ELAVL2: variants seen among roughly 807,000 people sequenced by gnomAD.
ELAVL2 encodes the protein ELAV like RNA binding protein 2, also known as ELAV-like protein 2.
ELAVL2 carries 4 observed loss-of-function variants against 34.6 expected under a neutral mutation model. That is an observed-to-expected ratio of 0.12 (90% CI 0.06 to 0.26). The LOEUF (loss-of-function observed/expected upper bound fraction) is 0.26. ELAVL2 is among the 10% of genes least tolerant of loss of function. The pLI is 1.00. For synonymous variants in ELAVL2, 193 were observed against 154.8 expected (o/e 1.25, Z -1.83); for missense variants, 432 against 442.8 (o/e 0.98, Z 0.22).
intron 5 of ELAVL2, among the ~76,000 whole-genome samples, chr9:23,695,228 A>G (rs138689118): frequency 1.6e-3 from 237 of 152,346 alleles, no homozygotes; most frequent in Non-Finnish European, 2.6e-3. Flanking sequence ...TGCTGGAATG[A>G]TCAACACAGA....
intron 5 of ELAVL2, among the ~76,000 whole-genome samples, chr9:23,699,031 C>T (rs929188611): frequency 7.2e-5 from 11 of 152,212 alleles, no homozygotes; most frequent in African/African-American, 2.7e-4. Flanking sequence ...TTACAACTGA[C>T]AATCTCTTAT....
chr9:23,820,556 T>C (rs1001235794), intron 1 of ELAVL2, among the ~76,000 whole-genome samples: 37 of 152,248 alleles, frequency 2.4e-4, no homozygotes, highest in Non-Finnish European at 5.0e-4. Context: ...TACAACTGCA[T>C]GCTCATAGCT....
At chr9:23,800,930 T>A (rs549814697) in intron 1 of ELAVL2, among the ~76,000 whole-genome samples, 84 of 152,276 alleles carry the variant, frequency 5.5e-4, no homozygotes, top group African/African-American at 1.9e-3. Flanking sequence ...TCCTTCCTGC[T>A]TGTTGGAAAG....
chr9:23,829,057 C>T (rs909590673), upstream of ELAVL2, among the ~76,000 whole-genome samples: 4 of 152,190 alleles, frequency 2.6e-5, no homozygotes, highest in African/African-American at 9.7e-5. Flanking sequence ...TTATCCACAA[C>T]ATCTGAATTT....
chr9:23,830,114 C>T (rs750905163), upstream of ELAVL2: 5 of 152,132 alleles, frequency 3.3e-5, no homozygotes, highest in Non-Finnish European at 7.3e-5. Context: ...TCCAGGTAGT[C>T]TTCGAAAAGT....
At chr9:23,779,778 G>A (rs2058784282) in intron 1 of ELAVL2, among the ~76,000 whole-genome samples, 1 of 151,706 alleles carries the variant, frequency 6.6e-6, no homozygotes, top group Admixed American at 6.6e-5. Context: ...GCAGAGACCA[G>A]GAGAAACTAT....
the ELAVL2 span, among the ~76,000 whole-genome samples, chr9:23,840,052 C>T: frequency 4.7e-4 from 71 of 152,274 alleles, no homozygotes; most frequent in African/African-American, 1.7e-3. Context: ...AAAGTATTCA[C>T]GCAGACCTGA....
the ELAVL2 span, among the ~76,000 whole-genome samples, chr9:23,846,952 C>T: frequency 1.3e-5 from 2 of 152,024 alleles, no homozygotes; most frequent in African/African-American, 2.4e-5. Flanking sequence ...TTCACATCCT[C>T]ACTTTATGGT....
chr9:23,808,048 C>T (rs182383575), intron 1 of ELAVL2, among the ~76,000 whole-genome samples: 73 of 152,228 alleles, frequency 4.8e-4, no homozygotes, highest in African/African-American at 1.6e-3. Context: ...CAGGAATCAG[C>T]TCTAGGACTC....
intron 1 of ELAVL2, among the ~76,000 whole-genome samples, chr9:23,785,573 A>G (rs1471540057): frequency 3.3e-5 from 5 of 152,212 alleles, no homozygotes; most frequent in Non-Finnish European, 7.3e-5. Context: ...AAGGGAGGAA[A>G]CAATCCCCTT....
chr9:23,701,462 G>C lies in ELAVL2; in HGVS notation c.630C>G (p.Thr210=), dbSNP rs770537526. Residue 210 remains threonine (T), a synonymous_variant, in exon 5 of 7, where the codon ACC becomes ACG. Transcript: ENST00000397312. ...VKFANNPSQK[T]NQAILSQLYQ... ...ACAGCTGGGAAAGGATGGCCTGATT[G>C]GTTTTTTGGCTTGGGTTATTAGCAA... 27 of 1,613,956 alleles carry C rather than the reference G, an allele frequency of 1.7e-5. No individual in the cohort carries two copies. The South Asian group carries it at 3.0e-4, about 18-fold the overall frequency.
At chr9:23,809,844 G>C (rs973577054) in intron 1 of ELAVL2, among the ~76,000 whole-genome samples, 2 of 152,090 alleles carry the variant, frequency 1.3e-5, no homozygotes, top group African/African-American at 4.8e-5. Context: ...AGTAAAGTTG[G>C]AGAAACAGTA....
chr9:23,832,479 A>G, the ELAVL2 span, among the ~76,000 whole-genome samples: 1 of 152,128 alleles, frequency 6.6e-6, no homozygotes, highest in Non-Finnish European at 1.5e-5. Flanking sequence ...TTTTTCACAA[A>G]TATTTAATAT....
chr9:23,754,771 GTAT>G (rs1387714205), intron 2 of ELAVL2, among the ~76,000 whole-genome samples: 1 of 152,154 alleles, frequency 6.6e-6, no homozygotes, highest in African/African-American at 2.4e-5. Context: ...CTGGCATCAA[GTAT>G]TATTTTAGGC....
intron 5 of ELAVL2, among the ~76,000 whole-genome samples, chr9:23,699,185 T>C (rs2036294029): frequency 6.6e-6 from 1 of 152,256 alleles, no homozygotes; most frequent in East Asian, 1.9e-4. Flanking sequence ...CCTGTAAAGC[T>C]TTACTCAACC....
At chr9:23,734,548 G>T (rs753956371) in intron 2 of ELAVL2, among the ~76,000 whole-genome samples, 1 of 152,228 alleles carries the variant, frequency 6.6e-6, no homozygotes, top group Middle Eastern at 3.4e-3. Context: ...GGCATATTGC[G>T]TATAAGCCCA....
In ELAVL2 at chr9:23,692,628, G is replaced by A; in HGVS notation, c.1009C>T (p.Leu337Phe). The change falls in exon 7 of 7, where the codon CTC becomes TTC. Residue 337 changes from leucine to phenylalanine, a missense_variant. Physicochemically the swap from Leu to Phe is conservative, Grantham distance 22 (BLOSUM62 0). This residue lies in a region of ELAVL2 where 295 missense variants were observed against 306.1 expected (regional missense o/e 0.96). Transcript: ENST00000397312. Reference sequence around the variant, plus strand: ...CTGTCTCCCAGACGGTATCCATTGAGGCTAGCTATCGCCATGGCAGCCTCA... The same window carrying A: ...CTGTCTCCCAGACGGTATCCATTGAAGCTAGCTATCGCCATGGCAGCCTCA... ...YDEAAMAIAS[L>F]NGYRLGDRVL... 1 of 1,614,152 alleles carries A rather than the reference G, an allele frequency of 6.2e-7. No individual in the cohort carries two copies. The highest frequency in any genetic ancestry group is 8.5e-7 in the Non-Finnish European group (1 of 1,180,010).
chr9:23,778,948 T>C (rs1588420881), intron 1 of ELAVL2, among the ~76,000 whole-genome samples: 1 of 152,168 alleles, frequency 6.6e-6, no homozygotes, highest in East Asian at 1.9e-4. Context: ...ATCCTGTCCC[T>C]TCTGGGGGCT....
intron 1 of ELAVL2, among the ~76,000 whole-genome samples, chr9:23,778,373 C>G (rs777947310): frequency 2.6e-5 from 4 of 152,112 alleles, no homozygotes; most frequent in Non-Finnish European, 5.9e-5. Flanking sequence ...AAAAACAAAA[C>G]AAAACACAAA....
Sources: allele counts gnomAD v4.1 joint callset (sites outside exome capture counted in the v4.1 genomes callset), GRCh38; gene constraint gnomAD v4.1.1; regional missense constraint gnomAD v4.1.1; transcripts MANE v1.5; gene names NCBI Gene and HGNC (gene_info 2026-07-23, HGNC 2026-07-21).